TCF20: variants seen among roughly 807,000 people sequenced by gnomAD.
TCF20 encodes the protein SPRE-binding protein.
Under a neutral mutation model 148.6 loss-of-function variants are expected in TCF20, and 3 were observed. The ratio of observed to expected loss-of-function variants is 0.02; its 90% CI spans 0.01 to 0.05. The LOEUF is 0.05. Among genes scored for constraint, TCF20 ranks in the 10% least tolerant of loss-of-function variants. TCF20 has a pLI of 1.00. For synonymous variants in TCF20, 1,049 were observed against 909.5 expected (o/e 1.15, Z -2.76); for missense variants, 2,350 against 2,429.3 (o/e 0.97, Z 0.69).
chr22:42,175,064 C>A (rs573915813), intron 3 of TCF20, among the ~76,000 whole-genome samples: 1 of 151,334 alleles, frequency 6.6e-6, no homozygotes, highest in Non-Finnish European at 1.5e-5. Flanking sequence ...CCATTTTTTT[C>A]AACTAGAAAC....
chr22:42,242,864 G>A (rs1046323852), intron 1 of TCF20, among the ~76,000 whole-genome samples: 2 of 152,020 alleles, frequency 1.3e-5, no homozygotes, highest in Non-Finnish European at 2.9e-5. Flanking sequence ...TTCAGCTTGG[G>A]TGACAGAGCA....
upstream of TCF20, among the ~76,000 whole-genome samples, chr22:42,284,733 CCTGG>C (rs1352779475): frequency 2.0e-5 from 3 of 152,224 alleles, no homozygotes; most frequent in Non-Finnish European, 4.4e-5. Context: ...GGCCTGGGGT[CCTGG>C]CTCTGTTTCT....
At chr22:42,324,324 G>A (rs2147053397) in intron 1 of TCF20, among the ~76,000 whole-genome samples, 1 of 152,056 alleles carries the variant, frequency 6.6e-6, no homozygotes, top group South Asian at 2.1e-4. Context: ...AGGGTAAAAG[G>A]TAAACATTAA....
At chr22:42,203,970 G>C (rs1473148984) in intron 2 of TCF20, among the ~76,000 whole-genome samples, 1 of 152,218 alleles carries the variant, frequency 6.6e-6, no homozygotes, top group Non-Finnish European at 1.5e-5. Context: ...AGAATTTAGA[G>C]AGCATGTAGA....
At chr22:42,256,475 T>TG (rs1925750893) in intron 1 of TCF20, among the ~76,000 whole-genome samples, 1 of 151,836 alleles carries the variant, frequency 6.6e-6, no homozygotes, top group South Asian at 2.1e-4. Context: ...TAGCAAAGTT[T>TG]TTTTTTTTTT....
upstream of TCF20, chr22:42,274,235 C>G (rs1926719553): frequency 6.5e-6 from 1 of 152,672 alleles, no homozygotes; most frequent in African/African-American, 2.4e-5. Context: ...CTCCCCACAG[C>G]CTCCTGCTGT....
At chr22:42,225,180 G>C (rs9611758) in intron 1 of TCF20, among the ~76,000 whole-genome samples, 7 of 151,908 alleles carry the variant, frequency 4.6e-5, no homozygotes, top group African/African-American at 1.7e-4. Context: ...ATTTTTAGTA[G>C]AGACAGCATT....
At chr22:42,274,071 C>G (rs553916279), upstream of TCF20, 7 of 152,834 alleles carry the variant, frequency 4.6e-5, no homozygotes, top group African/African-American at 1.7e-4. Flanking sequence ...TTATCCTTCA[C>G]CAAGCTCCAG....
chr22:42,340,296 T>C (rs1353269582), intron 1 of TCF20, among the ~76,000 whole-genome samples: 2 of 152,206 alleles, frequency 1.3e-5, no homozygotes, highest in Non-Finnish European at 2.9e-5. Context: ...TACAAGACCC[T>C]TGTGCAAGAG....
intron 1 of TCF20, among the ~76,000 whole-genome samples, chr22:42,316,107 CA>C (rs758537263): frequency 0.044 from 2,161 of 48,610 alleles, 7 homozygotes; most frequent in South Asian, 0.058. Context: ...GACTCTGTCT[CA>C]AAAAAAAAAA....
At chr22:42,166,786 G>A (rs192273161) in intron 5 of TCF20, among the ~76,000 whole-genome samples, 8 of 152,186 alleles carry the variant, frequency 5.3e-5, no homozygotes, top group Admixed American at 5.2e-4. Context: ...AAACACTTAA[G>A]CTCTTTCCTT....
chr22:42,161,775 C>T (rs142222643), intron 5 of TCF20, among the ~76,000 whole-genome samples: 56 of 152,288 alleles, frequency 3.7e-4, no homozygotes, highest in Non-Finnish European at 7.5e-4. Context: ...AGAAACTTCT[C>T]GAAGTCCAGC....
chr22:42,303,552 T>C (rs979468266), intron 1 of TCF20, among the ~76,000 whole-genome samples: 1 of 152,266 alleles, frequency 6.6e-6, no homozygotes, highest in Non-Finnish European at 1.5e-5. Flanking sequence ...CTGAAGTAAC[T>C]TGCCTGATAA....
chr22:42,234,822 G>A (rs1261236359), intron 1 of TCF20, among the ~76,000 whole-genome samples: 1 of 152,062 alleles, frequency 6.6e-6, no homozygotes, highest in Non-Finnish European at 1.5e-5. Flanking sequence ...AGGGTCAGAA[G>A]AACAAAAAGA....
chr22:42,287,506 T>C (rs1927053695), upstream of TCF20, among the ~76,000 whole-genome samples: 1 of 152,108 alleles, frequency 6.6e-6, no homozygotes, highest in South Asian at 2.1e-4. Context: ...CACAGATCCA[T>C]CCCATCACGT....
chr22:42,213,897 A>C lies in TCF20; in HGVS notation c.1409T>G (p.Val470Gly). Residue 470 changes from valine (V) to glycine (G), a missense_variant, in exon 2 of 6, where the codon GTC becomes GGC. Physicochemically the swap from Val to Gly is moderately radical, Grantham distance 109 (BLOSUM62 -3). Coordinates refer to ENST00000677622, the MANE Select transcript of TCF20 (RefSeq NM_001378418.1). ...GGCATCAGAAAGTAACATGTGCTGG[A>C]CAGTGTTAGGAAGATTGGCCACTTG... ...STQVANLPNT[V>G]QHMLLSDALT... 5.0e-6 allele frequency: 8 copies of C among 1,614,158 alleles called. No homozygotes were observed. The highest frequency in any genetic ancestry group is 6.8e-6 in the Non-Finnish European group (8 of 1,180,030).
rs10625678 is a variant in TCF20 at position 42,254,959 on chromosome 22, C to CAAAA, written c.-37+15376_-37+15379dup. On this transcript the variant is annotated intron_variant, in intron 1 of 5. Coordinates refer to ENST00000677622, the MANE Select transcript of TCF20 (RefSeq NM_001378418.1). ...TGGGTGACACAGCAAGACTCCGTCT[C>CAAAA]AAAAAAAAAAAAAAAAAAAAGGTAG... 5.5e-3 allele frequency among the ~76,000 whole-genome samples: 348 copies of CAAAA among 62,806 alleles called. 22 individuals are homozygous for CAAAA. The highest frequency in any genetic ancestry group is 7.5e-3 in the South Asian group (10 of 1,338). 41.2% of individuals were successfully genotyped at this position (62,806 alleles called of 152,430 possible). A position where few individuals can be genotyped will look rare whatever the true frequency, so the allele number is the denominator to read the frequency against.
upstream of TCF20, among the ~76,000 whole-genome samples, chr22:42,287,575 G>T (rs1927054972): frequency 6.6e-6 from 1 of 152,208 alleles, no homozygotes; most frequent in African/African-American, 2.4e-5. Flanking sequence ...GCACTGAGGA[G>T]TCAGCAGTGA....
chr22:42,335,008 C>T lies in TCF20; in HGVS notation c.-37+8471G>A, dbSNP rs186792196. 3.3e-4 allele frequency among the ~76,000 whole-genome samples: 51 copies of T among 152,286 alleles called. 1 individual carries two copies. The East Asian group carries it at 5.2e-3, about 16-fold the overall frequency. On this transcript the variant is annotated intron_variant, in intron 1 of 1. Transcript: ENST00000515426. ...CCCTGGCTGCCTACAGTATCCAGAG[C>T]TGTACACCCTCTGGGCCCGGAGCCC...
Sources: allele counts gnomAD v4.1 joint callset (sites outside exome capture counted in the v4.1 genomes callset), GRCh38; gene constraint gnomAD v4.1.1; transcripts MANE v1.5; gene names NCBI Gene and HGNC (gene_info 2026-07-23, HGNC 2026-07-21).